RNLS: variants seen among roughly 807,000 people sequenced by gnomAD.
RNLS encodes the protein renalase.
In RNLS, 39 loss-of-function variants were observed where a neutral mutation model predicts 39.8. The ratio of observed to expected loss-of-function variants is 0.98; its 90% CI spans 0.76 to 1.28. RNLS has a LOEUF of 1.28. RNLS is among the 50% of genes most tolerant of loss of function. RNLS has a pLI of 0.00. For synonymous variants in RNLS, 147 were observed against 150.7 expected (o/e 0.98, Z 0.18); for missense variants, 410 against 413.3 (o/e 0.99, Z 0.07).
chr10:88,330,163 A>G (rs1847009706), intron 5 of RNLS, among the ~76,000 whole-genome samples: 1 of 149,220 alleles, frequency 6.7e-6, no homozygotes, highest in African/African-American at 2.4e-5. Flanking sequence ...CTCTATATAT[A>G]TTTCTTTATA....
At chr10:88,373,491 G>T (rs529424590) in intron 4 of RNLS, among the ~76,000 whole-genome samples, 100 of 152,186 alleles carry the variant, frequency 6.6e-4, no homozygotes, top group South Asian at 6.0e-3. Context: ...TCTTGTGGAA[G>T]CCTACAGCAT....
At chr10:88,438,593 A>T (rs1212966276) in intron 4 of RNLS, among the ~76,000 whole-genome samples, 1 of 152,232 alleles carries the variant, frequency 6.6e-6, no homozygotes, top group African/African-American at 2.4e-5. Flanking sequence ...GAAGCAGAAA[A>T]GGTCAGATCC....
At chr10:88,334,263 ATATCT>A (rs373903719) in intron 5 of RNLS, among the ~76,000 whole-genome samples, 424 of 152,340 alleles carry the variant, frequency 2.8e-3, no homozygotes, top group Middle Eastern at 0.027. Flanking sequence ...AGTTTAAAAC[ATATCT>A]TATTTTATTT....
At position 88,391,240 on chromosome 10, in the gene RNLS, A is replaced by G. The variant is rs792233; in HGVS notation, c.527-28515T>C. Among the ~76,000 whole-genome samples, 302 of 152,314 alleles carry G rather than the reference A, an allele frequency of 2.0e-3. 1 individual carries two copies. Among genetic ancestry groups the G allele is most frequent in the Non-Finnish European group, 3.5e-3 (235 of 68,028 alleles). On this transcript the variant is annotated intron_variant, in intron 4 of 6. Transcript: ENST00000331772. ...CTTTCTTCTTCTTTAAATTACAATT[A>G]GGCAATCATATTAGTAATTTTAAAA...
At chr10:88,570,151 T>C (rs180924441) in intron 4 of RNLS, among the ~76,000 whole-genome samples, 4 of 152,274 alleles carry the variant, frequency 2.6e-5, no homozygotes, top group African/African-American at 7.2e-5. Flanking sequence ...GAAAAAATAC[T>C]ACAGCTCAAT....
intron 4 of RNLS, among the ~76,000 whole-genome samples, chr10:88,471,533 T>C (rs866167464): frequency 6.6e-6 from 1 of 152,150 alleles, no homozygotes; most frequent in Admixed American, 6.5e-5. Context: ...TATAGAGTAC[T>C]GTAAGGCGAA....
At chr10:88,203,456 G>GTATATATATATA in the RNLS span, among the ~76,000 whole-genome samples, 1 of 1,206 alleles carries the variant, frequency 8.3e-4, no homozygotes, top group African/African-American at 4.9e-3. Context: ...GTGTGTGTGT[G>GTATATATATATA]TATATATATA....
the RNLS span, among the ~76,000 whole-genome samples, chr10:88,235,158 C>G: frequency 6.8e-6 from 1 of 148,116 alleles, no homozygotes; most frequent in Admixed American, 6.9e-5. Flanking sequence ...GTCCCAGCTA[C>G]TAGGGAGGCT....
At chr10:88,192,078 A>G in the RNLS span, among the ~76,000 whole-genome samples, 1 of 151,976 alleles carries the variant, frequency 6.6e-6, no homozygotes, top group Non-Finnish European at 1.5e-5. Flanking sequence ...TACGTAAGGC[A>G]CTTTCTCAAC....
At chr10:88,364,930 A>G (rs936056988) in intron 4 of RNLS, among the ~76,000 whole-genome samples, 1 of 152,158 alleles carries the variant, frequency 6.6e-6, no homozygotes, top group Admixed American at 6.6e-5. Context: ...AAAACTGTGT[A>G]GTTAGCTACT....
chr10:88,321,503 G>A (rs115190604), intron 5 of RNLS, among the ~76,000 whole-genome samples: 144 of 151,998 alleles, frequency 9.5e-4, no homozygotes, highest in African/African-American at 2.7e-3. Context: ...AAAGATCAAC[G>A]AAATGAAAAG....
chr10:88,532,771 T>C (rs1436544874), intron 4 of RNLS, among the ~76,000 whole-genome samples: 3 of 151,966 alleles, frequency 2.0e-5, no homozygotes, highest in African/African-American at 2.4e-5. Context: ...ATCATAGATA[T>C]TGAAAAATCT....
downstream of RNLS, among the ~76,000 whole-genome samples, chr10:88,271,294 C>T (rs1214674649): frequency 6.6e-6 from 1 of 152,200 alleles, no homozygotes; most frequent in Non-Finnish European, 1.5e-5. Context: ...TGGCACTTCC[C>T]AGACTTGGGT....
chr10:88,522,720 C>CA (rs879808881), intron 4 of RNLS, among the ~76,000 whole-genome samples: 1 of 151,806 alleles, frequency 6.6e-6, no homozygotes, highest in African/African-American at 2.4e-5. Flanking sequence ...ATTAAAGGAA[C>CA]AAAAAAATGA....
intron 4 of RNLS, among the ~76,000 whole-genome samples, chr10:88,478,326 A>G (rs189537044): frequency 6.6e-6 from 1 of 152,236 alleles, no homozygotes; most frequent in East Asian, 1.9e-4. Context: ...ATATTTGGTA[A>G]TATGTCTTCA....
At chr10:88,572,853 C>T (rs766577419) in intron 4 of RNLS, 50 bp downstream of exon 4, 2 of 1,588,760 alleles carry the variant, frequency 1.3e-6, no homozygotes, top group Admixed American at 3.4e-5. Context: ...CATGCTTTGT[C>T]AAAAGAAATC....
chr10:88,384,268 G>T (rs1851729219), intron 4 of RNLS, among the ~76,000 whole-genome samples: 1 of 152,154 alleles, frequency 6.6e-6, no homozygotes, highest in Admixed American at 6.5e-5. Context: ...GTTCATGTTT[G>T]TTGAGTGCTT....
chr10:88,226,340 C>A, the RNLS span, among the ~76,000 whole-genome samples: 1 of 152,200 alleles, frequency 6.6e-6, no homozygotes, highest in African/African-American at 2.4e-5. Flanking sequence ...CAATTAACGT[C>A]TATCCCAACT....
the RNLS span, among the ~76,000 whole-genome samples, chr10:88,208,669 T>C: frequency 6.6e-6 from 1 of 152,112 alleles, no homozygotes; most frequent in Admixed American, 6.6e-5. Context: ...CATCCTTGAC[T>C]TTCTGCTTGG....
Sources: gnomAD v4.1 joint callset for allele counts (sites outside exome capture counted in the v4.1 genomes callset) on GRCh38, gnomAD v4.1.1 for gene constraint, MANE v1.5 for transcripts, NCBI Gene and HGNC (gene_info 2026-07-23, HGNC 2026-07-21) for gene names.